PIKFYVE: variants seen among roughly 807,000 people sequenced by gnomAD.
PIKFYVE encodes phosphoinositide kinase, FYVE-type zinc finger containing, also known as 1-phosphatidylinositol 3-phosphate 5-kinase.
Under a neutral mutation model 257.9 loss-of-function variants are expected in PIKFYVE, and 122 were observed. That is an observed-to-expected ratio of 0.47 (90% CI 0.41 to 0.55). The LOEUF (loss-of-function observed/expected upper bound fraction) is 0.55, where lower values mean the gene tolerates loss of function less well. Among genes scored for constraint, PIKFYVE ranks in the 20% least tolerant of loss-of-function variants. The probability of loss-of-function intolerance (pLI) is 0.00; values close to 1 mark genes in which losing one functional copy is unlikely to be tolerated. For synonymous variants in PIKFYVE, 892 were observed against 868.9 expected, an observed-to-expected ratio of 1.03 and a Z score of -0.47; for missense variants, 2,160 against 2,536.6, an observed-to-expected ratio of 0.85 and a Z score of 3.19.
At chr2:208,290,263 G>A (rs1692134173) in intron 7 of PIKFYVE, among the ~76,000 whole-genome samples, 1 of 152,102 alleles carries the variant, frequency 6.6e-6, no homozygotes, top group South Asian at 2.1e-4. Context: ...AAAGTCTACT[G>A]GGCTTCTCCT....
Position 208,320,359 on chromosome 2 carries a change from G to A in PIKFYVE, c.2190G>A (p.Gln730=). ...CTTGCATTGATCCTATTGTGCTTCA[G>A]GTAAGAATTTACTACTGAAAATAAT... ...KFTCIDPIVL[Q]EREFLKNYVQ... The change falls in exon 17 of 42, where the codon CAG becomes CAA. Residue 730 remains glutamine, a splice_region_variant and synonymous_variant. Coordinates refer to ENST00000264380, the MANE Select transcript of PIKFYVE (RefSeq NM_015040.4). 3.7e-6 allele frequency: 6 copies of A among 1,611,648 alleles called. No individual in the cohort carries two copies. The highest frequency in any genetic ancestry group is 4.2e-6 in the Non-Finnish European group (5 of 1,178,422).
At position 208,304,193 on chromosome 2, in the gene PIKFYVE, C is replaced by T; in HGVS notation, c.1343C>T (p.Pro448Leu). The T allele has an allele frequency of 6.2e-7, 1 of 1,614,126 alleles. No individual in the cohort carries two copies. The highest frequency in any genetic ancestry group is 8.5e-7 in the Non-Finnish European group (1 of 1,180,006). Residue 448 changes from proline to leucine, a missense_variant, in exon 11 of 42, where the codon CCT becomes CTT. Around this residue, in one of 12 missense-constraint regions of PIKFYVE, gnomAD observed 90 missense variants for 110.6 expected, o/e 0.81. Coordinates refer to ENST00000264380, the MANE Select transcript of PIKFYVE (RefSeq NM_015040.4). ...CAGAGTACAGAATTTTCTGAGACGCCTTCTCCCGACAGTGACTCAGTGAAC... is the reference window on the plus strand; with the variant it reads ...CAGAGTACAGAATTTTCTGAGACGCTTTCTCCCGACAGTGACTCAGTGAAC... Reference protein sequence around the residue: ...PLQSTEFSETPSPDSDSVNSV... With the variant: ...PLQSTEFSETLSPDSDSVNSV...
At chr2:208,285,602 T>TG in intron 5 of PIKFYVE, 124 bp from the exon 6 acceptor site, 1 of 800,134 alleles carries the variant, frequency 1.2e-6, no homozygotes, top group East Asian at 2.5e-5. Flanking sequence ...AGTCTGTACT[T>TG]GAAGACATTT....
Position 208,333,090 on chromosome 2 carries a change from C to T in PIKFYVE, c.3964-225C>T, listed in dbSNP as rs150906438. 2.1e-3 allele frequency among the ~76,000 whole-genome samples: 317 copies of T among 151,854 alleles called. 2 individuals carry two copies. The highest frequency in any genetic ancestry group is 6.9e-3 in the African/African-American group (285 of 41,388). ...TCTACTAAAAATACAAAAAATTAGC[C>T]GGGCGTGGTGGCGCGTGCCTGTAGT... On this transcript the variant is annotated intron_variant, in intron 23 of 41. Coordinates refer to ENST00000264380, the MANE Select transcript of PIKFYVE (RefSeq NM_015040.4).
At chr2:208,315,504 T>C (rs1219020460) in intron 15 of PIKFYVE, 131 bp downstream of exon 15, 1 of 872,356 alleles carries the variant, frequency 1.1e-6, no homozygotes, top group Admixed American at 2.8e-5. Flanking sequence ...GAGGTTTTGC[T>C]GTCTGCTTTG....
At chr2:208,266,058 AG>A (rs1268991566), upstream of PIKFYVE, 2 of 152,884 alleles carry the variant, frequency 1.3e-5, no homozygotes, top group East Asian at 3.9e-4. Flanking sequence ...TCACGCGCGC[AG>A]TCCCCCTGGC....
chr2:208,330,754 T>TTC, intron 23 of PIKFYVE, 60 bp downstream of exon 23: 3 of 1,419,342 alleles, frequency 2.1e-6, no homozygotes, highest in Non-Finnish European at 2.8e-6. Context: ...GTATGTTTTT[T>TTC]TTTTTTCCTG....
At chr2:208,315,912 A>G (rs1252306388) in intron 15 of PIKFYVE, among the ~76,000 whole-genome samples, 4 of 150,252 alleles carry the variant, frequency 2.7e-5, no homozygotes, top group Non-Finnish European at 4.4e-5. Flanking sequence ...TTTAGGGTAC[A>G]TGTGCACAAT....
intron 16 of PIKFYVE, among the ~76,000 whole-genome samples, chr2:208,319,476 G>T (rs1695951065): frequency 6.6e-6 from 1 of 152,168 alleles, no homozygotes; most frequent in South Asian, 2.1e-4. Context: ...AGGAAAATTT[G>T]TATGTGGGTG....
chr2:208,281,340 AAT>A (rs1309096218), intron 5 of PIKFYVE, among the ~76,000 whole-genome samples: 2 of 152,192 alleles, frequency 1.3e-5, no homozygotes, highest in African/African-American at 4.8e-5. Flanking sequence ...TGCAACAATA[AAT>A]ATAGAATCTG....
intron 7 of PIKFYVE, among the ~76,000 whole-genome samples, chr2:208,290,076 TGCACTAGAGTG>T (rs1237826082): frequency 6.6e-6 from 1 of 152,214 alleles, no homozygotes; most frequent in African/African-American, 2.4e-5. Context: ...ATCGGTGTCC[TGCACTAGAGTG>T]GCATATTGTA....
intron 7 of PIKFYVE, among the ~76,000 whole-genome samples, chr2:208,293,323 A>G (rs912325997): frequency 6.6e-6 from 1 of 152,212 alleles, no homozygotes; most frequent in Admixed American, 6.5e-5. Flanking sequence ...TATCTGTTAC[A>G]TCAACTAAGA....
chr2:208,355,661 C>G lies in PIKFYVE; in HGVS notation c.*356C>G. 1 of 198,466 alleles carries G rather than the reference C, an allele frequency of 5.0e-6. No homozygotes were observed. Among genetic ancestry groups the G allele is most frequent in the Non-Finnish European group, 1.0e-5 (1 of 96,018 alleles). 12.3% of individuals were successfully genotyped at this position (198,466 alleles called of 1,614,324 possible). ...AAGAAAACAGTGTCTCATAAATTGA[C>G]TATCCTGGCATCACATTTAACATGT... On this transcript the variant is annotated 3_prime_UTR_variant, in exon 42 of 42. Coordinates refer to ENST00000264380, the MANE Select transcript of PIKFYVE (RefSeq NM_015040.4).
chr2:208,344,338 C>T (rs1034100622), intron 32 of PIKFYVE, among the ~76,000 whole-genome samples: 1 of 151,998 alleles, frequency 6.6e-6, no homozygotes, highest in East Asian at 1.9e-4. Flanking sequence ...ATTTACATGC[C>T]TCTGCCTTTA....
chr2:208,343,356 C>A (rs760447560), intron 32 of PIKFYVE, among the ~76,000 whole-genome samples: 1 of 152,050 alleles, frequency 6.6e-6, no homozygotes, highest in East Asian at 1.9e-4. Flanking sequence ...ACCCTACATA[C>A]GAGGTAAAAT....
At chr2:208,267,244 C>CTT (rs56049636) in intron 1 of PIKFYVE, among the ~76,000 whole-genome samples, 1 of 152,082 alleles carries the variant, frequency 6.6e-6, no homozygotes, top group Admixed American at 6.6e-5. Flanking sequence ...ATTTGAGCCC[C>CTT]TTTTTTGGCA....
rs927322036 is a variant in PIKFYVE, at chr2:208,325,110, G to A, written c.2458+73G>A. ...TCACTACTACAATGTTTACTTACTA[G>A]GAAATACCTATTAATAGTGGGTAAG... On this transcript the variant is annotated intron_variant, in intron 19 of 41. Coordinates refer to ENST00000264380, the MANE Select transcript of PIKFYVE (RefSeq NM_015040.4). The A allele has an allele frequency of 1.1e-5, 17 of 1,601,400 alleles. No individual in the cohort carries two copies. In the African/African-American group the frequency reaches 2.3e-4, roughly 21 times the overall value.
chr2:208,344,067 C>G (rs1476444688), intron 32 of PIKFYVE, among the ~76,000 whole-genome samples: 5 of 152,046 alleles, frequency 3.3e-5, no homozygotes. Flanking sequence ...ATCCACCCGC[C>G]TCGGCCTCCC....
rs140815421 is a variant in PIKFYVE, at chr2:208,280,889, T to G, written c.613+3181T>G. Among the ~76,000 whole-genome samples, 389 of 152,346 alleles carry G rather than the reference T, an allele frequency of 2.6e-3. 4 individuals are homozygous for G. The highest frequency in any genetic ancestry group is 8.7e-3 in the African/African-American group (362 of 41,590). On this transcript the variant is annotated intron_variant, in intron 5 of 41. Coordinates refer to ENST00000264380, the MANE Select transcript of PIKFYVE (RefSeq NM_015040.4). The stretch of plus-strand genomic sequence containing the variant: ...TCTTAGGCTATTCTGATTATTGCTT[T>G]GATTCTGATGTCTATTATAGTAACC...
Sources: allele counts gnomAD v4.1 joint callset (sites outside exome capture counted in the v4.1 genomes callset), GRCh38; gene constraint gnomAD v4.1.1; regional missense constraint gnomAD v4.1.1; transcripts MANE v1.5; gene names NCBI Gene and HGNC (gene_info 2026-07-23, HGNC 2026-07-21).